HYAL4: variants seen among roughly 807,000 people sequenced by gnomAD.
The protein encoded by HYAL4 is hyaluronidase 4.
HYAL4 carries 37 observed loss-of-function variants against 35.2 expected under a neutral mutation model. That is an observed-to-expected ratio of 1.05 (90% CI 0.81 to 1.38). HYAL4 has a LOEUF of 1.38. HYAL4 is among the 40% of genes most tolerant of loss of function. The probability of loss-of-function intolerance (pLI) is 0.00; values close to 1 mark genes in which losing one functional copy is unlikely to be tolerated. For missense variants in HYAL4, 572 were observed against 572.4 expected (o/e 1.00, Z 0.01); for synonymous variants, 198 against 203.2 (o/e 0.97, Z 0.22).
intron 2 of HYAL4, among the ~76,000 whole-genome samples, chr7:123,853,157 A>G (rs953843463): frequency 6.6e-6 from 1 of 152,134 alleles, no homozygotes; most frequent in Non-Finnish European, 1.5e-5. Context: ...GGGGTTTTCT[A>G]TACAGTCATG....
At position 123,877,211 on chromosome 7, in the gene HYAL4, A is replaced by G; in HGVS notation, c.*56A>G. ...CTCTAGCCTAGTCATTTAAAGAAGG[A>G]TGTAACTTATAACATTTTTTTTCTC... is the stretch of plus-strand genomic sequence containing the variant. On this transcript the variant is annotated 3_prime_UTR_variant, in exon 5 of 5. Transcript: ENST00000223026. 1 of 1,497,884 alleles carries G rather than the reference A, an allele frequency of 6.7e-7. No homozygotes were observed. The highest frequency in any genetic ancestry group is 9.0e-7 in the Non-Finnish European group (1 of 1,112,524). 92.8% of individuals were successfully genotyped at this position (1,497,884 alleles called of 1,614,324 possible). A position where few individuals can be genotyped will look rare whatever the true frequency, so the allele number is the denominator to read the frequency against.
At position 123,868,770 on chromosome 7, in the gene HYAL4, A is replaced by G. The variant is rs760387722; in HGVS notation, c.497A>G (p.Lys166Arg). 1 of 1,614,210 alleles carries G rather than the reference A, an allele frequency of 6.2e-7. No homozygotes were observed. The highest frequency in any genetic ancestry group is 1.1e-5 in the South Asian group (1 of 91,078). Residue 166 changes from lysine to arginine, a missense_variant, in exon 3 of 5, where the codon AAG (lysine) becomes AGG (arginine). Transcript: ENST00000223026. ...NWNSKDVYRQKSRKLISDMGK... is the reference protein window; with the variant it reads ...NWNSKDVYRQRSRKLISDMGK... ...AACTCAAAAGATGTTTACAGACAGA[A>G]GTCAAGAAAGCTTATTTCCGATATG...
chr7:123,829,411 G>A (rs1423606814), intron 1 of HYAL4, among the ~76,000 whole-genome samples: 1 of 152,142 alleles, frequency 6.6e-6, no homozygotes, highest in South Asian at 2.1e-4. Context: ...CCAAACAGTA[G>A]CAAGTGTTGA....
the HYAL4 span, among the ~76,000 whole-genome samples, chr7:123,774,636 A>T: frequency 6.6e-6 from 1 of 151,812 alleles, no homozygotes; most frequent in East Asian, 1.9e-4. Context: ...CCACTCAAAA[A>T]CCCTTCAGTA....
At position 123,877,257 on chromosome 7, in the gene HYAL4, T is replaced by G. The variant is rs566166545; in HGVS notation, c.*102T>G. On this transcript the variant is annotated 3_prime_UTR_variant, in exon 5 of 5. Transcript: ENST00000223026. ...TTCTCTTATGAATTCTATTGAGAGA[T>G]ATTATAAGTAGACATTATGTATGTC... 55 of 1,119,658 alleles carry G rather than the reference T, an allele frequency of 4.9e-5. No homozygotes were observed. The East Asian group carries it at 1.1e-3, about 22-fold the overall frequency. The allele number at this position is 1,119,658 out of a possible 1,614,324, so 69.4% of individuals were successfully genotyped here. A position where few individuals can be genotyped will look rare whatever the true frequency, so the allele number is the denominator to read the frequency against.
At chr7:123,867,092 CTCTTT>C (rs1195696130) in intron 2 of HYAL4, among the ~76,000 whole-genome samples, 1 of 152,168 alleles carries the variant, frequency 6.6e-6, no homozygotes, top group East Asian at 1.9e-4. Flanking sequence ...GCTCTATCTT[CTCTTT>C]TAACTCCAGT....
At chr7:123,771,622 G>T in the HYAL4 span, among the ~76,000 whole-genome samples, 1 of 152,010 alleles carries the variant, frequency 6.6e-6, no homozygotes, top group Non-Finnish European at 1.5e-5. Flanking sequence ...ATGATATTTT[G>T]GCATTTTTGT....
chr7:123,868,277 A>G lies in HYAL4; in HGVS notation c.4A>G (p.Lys2Glu), dbSNP rs1055255661. Residue 2 changes from lysine (K) to glutamate (E), a missense_variant, in exon 3 of 5, where the codon AAA (lysine) becomes GAA (glutamate). By Grantham distance (56) the Lys-to-Glu change is moderately conservative. Transcript: ENST00000223026. ...AACGTAACATTTTTATCTTACCATG[A>G]AAGTATTATCTGAAGGACAGTTAAA... M[K>E]VLSEGQLKLC... The G allele has an allele frequency of 1.3e-6, 2 of 1,520,760 alleles. No homozygotes were observed. The highest frequency in any genetic ancestry group is 2.3e-5 in the Admixed American group (1 of 43,684). 94.2% of individuals were successfully genotyped at this position (1,520,760 alleles called of 1,614,324 possible).
chr7:123,819,197 T>G, the HYAL4 span: 2 of 152,580 alleles, frequency 1.3e-5, no homozygotes, highest in Admixed American at 6.5e-5. Flanking sequence ...GTATTTACCT[T>G]GTGGTACAGT....
the HYAL4 span, among the ~76,000 whole-genome samples, chr7:123,804,261 A>T: frequency 6.6e-6 from 1 of 152,122 alleles, no homozygotes; most frequent in African/African-American, 2.4e-5. Context: ...TTTACCCACC[A>T]TTGGGGATTA....
At chr7:123,843,443 A>G (rs186558480), upstream of HYAL4, among the ~76,000 whole-genome samples, 1 of 151,652 alleles carries the variant, frequency 6.6e-6, no homozygotes, top group Non-Finnish European at 1.5e-5. Flanking sequence ...TTTTTCCTTC[A>G]TTTCAACCTT....
At chr7:123,840,223 G>A (rs1163894503), upstream of HYAL4, among the ~76,000 whole-genome samples, 1 of 152,124 alleles carries the variant, frequency 6.6e-6, no homozygotes, top group African/African-American at 2.4e-5. Flanking sequence ...AGTTTTCCCA[G>A]CACCATTTAT....
upstream of HYAL4, among the ~76,000 whole-genome samples, chr7:123,826,366 C>G (rs1410733914): frequency 6.6e-6 from 1 of 152,100 alleles, no homozygotes; most frequent in Admixed American, 6.6e-5. Flanking sequence ...AAGCAAGCCA[C>G]TCAGTACCCC....
chr7:123,866,218 C>T (rs1375030580), intron 2 of HYAL4, among the ~76,000 whole-genome samples: 1 of 152,166 alleles, frequency 6.6e-6, no homozygotes, highest in Non-Finnish European at 1.5e-5. Flanking sequence ...AGGCGGTGTC[C>T]CTTGAGGACA....
At chr7:123,781,611 T>C in the HYAL4 span, among the ~76,000 whole-genome samples, 14 of 152,256 alleles carry the variant, frequency 9.2e-5, no homozygotes, top group African/African-American at 3.4e-4. Context: ...TACACACGTA[T>C]GCACTTGAAA....
At chr7:123,862,024 A>G (rs1260602084) in intron 2 of HYAL4, among the ~76,000 whole-genome samples, 1 of 152,184 alleles carries the variant, frequency 6.6e-6, no homozygotes, top group Non-Finnish European at 1.5e-5. Context: ...CAGCTTGCAG[A>G]GCATTGATGT....
the HYAL4 span, chr7:123,814,874 A>G: frequency 6.7e-6 from 1 of 148,626 alleles, no homozygotes; most frequent in Non-Finnish European, 1.5e-5. Context: ...ATACATTTGG[A>G]TAAAATACTG....
the HYAL4 span, among the ~76,000 whole-genome samples, chr7:123,820,782 A>G: frequency 2.0e-5 from 3 of 152,174 alleles, no homozygotes; most frequent in East Asian, 3.8e-4. Flanking sequence ...CTGAAACGTT[A>G]CAACCTTTAA....
chr7:123,768,240 AT>A, the HYAL4 span, among the ~76,000 whole-genome samples: 1 of 152,224 alleles, frequency 6.6e-6, no homozygotes, highest in Non-Finnish European at 1.5e-5. Context: ...AATAAATAAC[AT>A]TTACAATCAA....
Sources: gnomAD v4.1 joint callset for allele counts (sites outside exome capture counted in the v4.1 genomes callset) on GRCh38, gnomAD v4.1.1 for gene constraint, MANE v1.5 for transcripts, NCBI Gene and HGNC (gene_info 2026-07-23, HGNC 2026-07-21) for gene names.